CACNG3: variants seen among roughly 807,000 people sequenced by gnomAD.
The protein encoded by CACNG3 is voltage-dependent calcium channel gamma-3 subunit.
Under a neutral mutation model 28.5 loss-of-function variants are expected in CACNG3, and 3 were observed. The observed-to-expected ratio is 0.11, with a 90% CI of 0.05 to 0.27. The LOEUF (loss-of-function observed/expected upper bound fraction) is 0.27. Ranked by LOEUF, CACNG3 falls within the 10% of genes least tolerant of loss-of-function variation. The pLI is 1.00. For synonymous variants in CACNG3, 174 were observed against 162.2 expected (o/e 1.07, Z -0.55); for missense variants, 236 against 414.4 (o/e 0.57, Z 3.74).
At chr16:24,347,086 C>A (rs1236892384) in intron 2 of CACNG3, among the ~76,000 whole-genome samples, 1 of 152,072 alleles carries the variant, frequency 6.6e-6, no homozygotes, top group Non-Finnish European at 1.5e-5. Flanking sequence ...GAGGCAGAGG[C>A]CAGAAAGGAT....
chr16:24,258,848 C>A (rs1197965957), intron 1 of CACNG3, among the ~76,000 whole-genome samples: 1 of 152,050 alleles, frequency 6.6e-6, no homozygotes, highest in African/African-American at 2.4e-5. Flanking sequence ...TGAGAATGCA[C>A]AATTAAAAAT....
chr16:24,327,126 CAAAAAAAAAAAA>C (rs57918697), intron 1 of CACNG3, among the ~76,000 whole-genome samples: 10 of 35,818 alleles, frequency 2.8e-4, no homozygotes, highest in African/African-American at 5.3e-4. Flanking sequence ...GGCTCCAAAC[CAAAAAAAAAAAA>C]AAAAAAAAAA....
chr16:24,266,088 T>C (rs990392256), intron 1 of CACNG3, among the ~76,000 whole-genome samples: 1 of 152,196 alleles, frequency 6.6e-6, no homozygotes, highest in Non-Finnish European at 1.5e-5. Context: ...ATAGGTCTGA[T>C]TTTCCCCCTC....
At chr16:24,337,180 A>G (rs543012758) in intron 1 of CACNG3, among the ~76,000 whole-genome samples, 5 of 152,318 alleles carry the variant, frequency 3.3e-5, no homozygotes, top group South Asian at 4.2e-4. Context: ...ACAAGGCCAT[A>G]CAAGTAGTAA....
rs569850526 is a variant in CACNG3 at position 24,348,841 on chromosome 16, G to A, written c.295+2024G>A. ...AAAACATGTTGACGTTTGCTCTGTC[G>A]GAGACTAAACAGAACTGTGACTTCT... On this transcript the variant is annotated intron_variant, in intron 2 of 3. Transcript: ENST00000005284. Among the ~76,000 whole-genome samples, 8 of 152,248 alleles carry A rather than the reference G, an allele frequency of 5.3e-5. No homozygotes were observed. The South Asian group carries it at 8.3e-4, about 16-fold the overall frequency.
At chr16:24,317,909 CTG>C (rs1325713272) in intron 1 of CACNG3, among the ~76,000 whole-genome samples, 1 of 152,176 alleles carries the variant, frequency 6.6e-6, no homozygotes, top group Non-Finnish European at 1.5e-5. Context: ...ATTCCAGCCT[CTG>C]GGCCTGTGCA....
chr16:24,309,012 T>C (rs1899225766), intron 1 of CACNG3, among the ~76,000 whole-genome samples: 1 of 152,176 alleles, frequency 6.6e-6, no homozygotes, highest in South Asian at 2.1e-4. Flanking sequence ...TAGATAGTTA[T>C]TCTCATTTTG....
At chr16:24,347,366 GA>G (rs1450426964) in intron 2 of CACNG3, among the ~76,000 whole-genome samples, 4 of 148,742 alleles carry the variant, frequency 2.7e-5, no homozygotes, top group Non-Finnish European at 6.1e-5. Flanking sequence ...ATGAGAAAGA[GA>G]AAGAGAAAGA....
intron 1 of CACNG3, among the ~76,000 whole-genome samples, chr16:24,304,155 G>C (rs541278760): frequency 6.6e-6 from 1 of 152,320 alleles, no homozygotes; most frequent in South Asian, 2.1e-4. Context: ...GCAAGAATAT[G>C]TGGCGGGCTA....
intron 1 of CACNG3, among the ~76,000 whole-genome samples, chr16:24,344,258 C>G (rs989762259): frequency 1.3e-5 from 2 of 151,860 alleles, no homozygotes; most frequent in Non-Finnish European, 2.9e-5. Flanking sequence ...ATGGTGAAAC[C>G]CTGTCTCTAC....
In CACNG3 at chr16:24,282,354, G is replaced by A. The variant is rs959357471; in HGVS notation, c.211+25389G>A. Among the ~76,000 whole-genome samples the A allele has an allele frequency of 4.6e-5, 7 of 152,092 alleles. No individual in the cohort carries two copies. The South Asian group carries it at 1.0e-3, about 23-fold the overall frequency. ...TGAAGAGTCACACTGGGCTTATTGCGGGCTAATCCTCCACCCACACTTATC... is the reference window on the plus strand; with the variant it reads ...TGAAGAGTCACACTGGGCTTATTGCAGGCTAATCCTCCACCCACACTTATC... On this transcript the variant is annotated intron_variant, in intron 1 of 3. Transcript: ENST00000005284.
At chr16:24,293,566 C>T (rs1898992842) in intron 1 of CACNG3, among the ~76,000 whole-genome samples, 1 of 152,134 alleles carries the variant, frequency 6.6e-6, no homozygotes, top group Non-Finnish European at 1.5e-5. Flanking sequence ...ATCTAAGAAA[C>T]TATGTCAGAA....
intron 1 of CACNG3, among the ~76,000 whole-genome samples, chr16:24,266,968 C>CTTTT (rs750145274): frequency 0.034 from 4,638 of 137,240 alleles, 287 homozygotes; most frequent in African/African-American, 0.12. Context: ...TTTTTAATTT[C>CTTTT]TTTTTTTTTT....
intron 1 of CACNG3, among the ~76,000 whole-genome samples, chr16:24,286,959 C>CGCCAG (rs1898903214): frequency 6.6e-6 from 1 of 152,160 alleles, no homozygotes; most frequent in Admixed American, 6.5e-5. Flanking sequence ...AGGTCCTTGC[C>CGCCAG]GCCAGGCTGA....
chr16:24,346,476 G>A (rs1303895136), intron 1 of CACNG3, among the ~76,000 whole-genome samples: 1 of 152,198 alleles, frequency 6.6e-6, no homozygotes, highest in Non-Finnish European at 1.5e-5. Context: ...TACTTGGGAG[G>A]CTGGGGTGAG....
chr16:24,290,672 C>T (rs1423121343), intron 1 of CACNG3, among the ~76,000 whole-genome samples: 1 of 152,164 alleles, frequency 6.6e-6, no homozygotes, highest in Non-Finnish European at 1.5e-5. Flanking sequence ...GTCCTAGGCT[C>T]AAGTGGTGTA....
At chr16:24,260,824 T>C (rs1567205457) in intron 1 of CACNG3, among the ~76,000 whole-genome samples, 1 of 152,262 alleles carries the variant, frequency 6.6e-6, no homozygotes, top group East Asian at 1.9e-4. Context: ...AACGCCCAAC[T>C]CATTAACTGG....
At chr16:24,309,492 G>A (rs984938254) in intron 1 of CACNG3, among the ~76,000 whole-genome samples, 4 of 152,264 alleles carry the variant, frequency 2.6e-5, no homozygotes, top group Admixed American at 6.5e-5. Context: ...ACCTCCTGGC[G>A]GGCTGCCACA....
intron 1 of CACNG3, among the ~76,000 whole-genome samples, chr16:24,312,729 A>G (rs1899280226): frequency 6.6e-6 from 1 of 151,764 alleles, no homozygotes; most frequent in South Asian, 2.1e-4. Flanking sequence ...GAGGCAGGAG[A>G]ATCACTTGAG....
Sources: allele counts gnomAD v4.1 joint callset (sites outside exome capture counted in the v4.1 genomes callset), GRCh38; gene constraint gnomAD v4.1.1; transcripts MANE v1.5; gene names NCBI Gene and HGNC (gene_info 2026-07-23, HGNC 2026-07-21).